ADORA2B: variants seen among roughly 807,000 people sequenced by gnomAD.
ADORA2B encodes the protein adenosine A2b receptor, also known as adenosine receptor A2b.
ADORA2B carries 18 observed loss-of-function variants against 20.8 expected under a neutral mutation model. The ratio of observed to expected loss-of-function variants is 0.87; its 90% CI spans 0.60 to 1.29. ADORA2B has a LOEUF of 1.29. Among genes scored for constraint, ADORA2B ranks in the 50% most tolerant of loss-of-function variants. The pLI, the probability that ADORA2B is intolerant of heterozygous loss-of-function variation, is 0.00. For missense variants in ADORA2B, 441 were observed against 422.7 expected, an observed-to-expected ratio of 1.04 and a Z score of -0.38; for synonymous variants, 179 against 178.3, an observed-to-expected ratio of 1.00 and a Z score of -0.03.
the ADORA2B span, among the ~76,000 whole-genome samples, chr17:15,876,855 A>G: frequency 7.2e-5 from 11 of 152,192 alleles, no homozygotes; most frequent in South Asian, 2.1e-4. Flanking sequence ...TGTGTAACCA[A>G]TCTCCAGAAC....
the ADORA2B span, among the ~76,000 whole-genome samples, chr17:15,853,254 G>A: frequency 2.6e-5 from 4 of 151,746 alleles, no homozygotes; most frequent in Admixed American, 1.3e-4. Flanking sequence ...CTAGAATACC[G>A]TACTTGGTGA....
chr17:15,945,855 G>T (rs1034612039), intron 1 of ADORA2B, among the ~76,000 whole-genome samples: 24 of 152,116 alleles, frequency 1.6e-4, no homozygotes, highest in African/African-American at 5.3e-4. Context: ...CGGCGCCCGG[G>T]GAGGCGCCGT....
the ADORA2B span, among the ~76,000 whole-genome samples, chr17:15,852,122 G>A: frequency 1.3e-5 from 2 of 152,036 alleles, no homozygotes; most frequent in Non-Finnish European, 2.9e-5. Context: ...TTGATATATT[G>A]TGCTTTTTAG....
chr17:15,897,855 A>C, the ADORA2B span, among the ~76,000 whole-genome samples: 2 of 152,220 alleles, frequency 1.3e-5, no homozygotes, highest in South Asian at 4.1e-4. Flanking sequence ...AGAAAGTTCA[A>C]CACCATGAAC....
At chr17:15,873,208 GATTT>G in the ADORA2B span, among the ~76,000 whole-genome samples, 2 of 152,006 alleles carry the variant, frequency 1.3e-5, no homozygotes, top group Admixed American at 1.3e-4. Context: ...CACATTTATT[GATTT>G]ATGTATCTAT....
Position 15,973,677 on chromosome 17 carries a change from C to G in ADORA2B, c.336-1002C>G, listed in dbSNP as rs555500957. Among the ~76,000 whole-genome samples, 20 of 152,332 alleles carry G rather than the reference C, an allele frequency of 1.3e-4. No individual in the cohort carries two copies. The East Asian group carries it at 3.5e-3, about 26-fold the overall frequency. On this transcript the variant is annotated intron_variant, in intron 1 of 1. Coordinates refer to ENST00000304222, the MANE Select transcript of ADORA2B (RefSeq NM_000676.4). ...TATGAGAATCTAATGCATCACCCCC[C>G]GCCCCTGGTCTGTGGAAACATTGTC...
the ADORA2B span, among the ~76,000 whole-genome samples, chr17:15,882,958 C>T: frequency 6.6e-6 from 1 of 152,220 alleles, no homozygotes; most frequent in Non-Finnish European, 1.5e-5. Flanking sequence ...TGTTCCCTCT[C>T]CGTCCCCCAG....
the ADORA2B span, chr17:15,861,013 G>A: frequency 5.3e-5 from 8 of 152,234 alleles, no homozygotes; most frequent in African/African-American, 1.7e-4. Flanking sequence ...CAGGTATCAT[G>A]TCTCAAACAG....
intron 1 of ADORA2B, among the ~76,000 whole-genome samples, chr17:15,949,543 C>T (rs930771642): frequency 6.6e-6 from 1 of 151,952 alleles, no homozygotes; most frequent in East Asian, 1.9e-4. Flanking sequence ...GCTATAATTC[C>T]CGTCCCATAA....
At chr17:15,964,627 A>G (rs1384831731) in intron 1 of ADORA2B, among the ~76,000 whole-genome samples, 5 of 151,458 alleles carry the variant, frequency 3.3e-5, no homozygotes, top group Non-Finnish European at 7.4e-5. Flanking sequence ...AAAAAAAAAA[A>G]AAAAAGAAAA....
the ADORA2B span, among the ~76,000 whole-genome samples, chr17:15,857,436 C>T: frequency 6.6e-6 from 1 of 152,220 alleles, no homozygotes; most frequent in Non-Finnish European, 1.5e-5. Context: ...CACCATCCTC[C>T]AGACCCCAGA....
Position 15,945,533 on chromosome 17 carries a change from C to T in ADORA2B, c.285C>T (p.Ser95=). ...TGCTCACGCAGAGCTCCATCTTCAG[C>T]CTTCTGGCCGTGGCAGTCGACAGAT... The part of the protein sequence containing the change: ...VLVLTQSSIF[S]LLAVAVDRYL... Residue 95 remains serine, a synonymous_variant, in exon 1 of 2, where the codon AGC becomes AGT. Coordinates refer to ENST00000304222, the MANE Select transcript of ADORA2B (RefSeq NM_000676.4). 1 of 1,600,000 alleles carries T rather than the reference C, an allele frequency of 6.3e-7. No individual in the cohort carries two copies.
chr17:15,909,193 C>G, the ADORA2B span, among the ~76,000 whole-genome samples: 1 of 124,152 alleles, frequency 8.1e-6, no homozygotes, highest in Non-Finnish European at 1.6e-5. Context: ...GACTACGTCT[C>G]TAAAAAAAAC....
the ADORA2B span, among the ~76,000 whole-genome samples, chr17:15,880,116 C>T: frequency 6.9e-6 from 1 of 143,938 alleles, no homozygotes. Flanking sequence ...GTCTGAGGCC[C>T]GCCATCGACC....
chr17:15,949,875 G>T (rs1969874379), intron 1 of ADORA2B, among the ~76,000 whole-genome samples: 1 of 152,068 alleles, frequency 6.6e-6, no homozygotes, highest in Non-Finnish European at 1.5e-5. Flanking sequence ...AAATAAAAAA[G>T]CTTGGCAGGA....
In ADORA2B at chr17:15,956,258, A is replaced by G. The variant is rs141840111; in HGVS notation, c.335+10675A>G. ...AGATTCCTCGTGTGGCAGAGTGTAC[A>G]TAACCTAAACTCTTCCCCTCCCCCA... On this transcript the variant is annotated intron_variant, in intron 1 of 1. Coordinates refer to ENST00000304222, the MANE Select transcript of ADORA2B (RefSeq NM_000676.4). 1.3e-3 allele frequency among the ~76,000 whole-genome samples: 200 copies of G among 152,318 alleles called. 1 individual carries two copies. Among genetic ancestry groups the G allele is most frequent in the African/African-American group, 4.6e-3 (190 of 41,572 alleles).
At chr17:15,875,673 C>A in the ADORA2B span, among the ~76,000 whole-genome samples, 3 of 152,320 alleles carry the variant, frequency 2.0e-5, no homozygotes, top group African/African-American at 7.2e-5. Context: ...TCCTCCTACT[C>A]CTGGGTTCAA....
chr17:15,871,061 C>G, the ADORA2B span, among the ~76,000 whole-genome samples: 1 of 152,222 alleles, frequency 6.6e-6, no homozygotes, highest in African/African-American at 2.4e-5. Context: ...GTGGGAGACA[C>G]AGTCCTCTCC....
At position 15,975,445 on chromosome 17, in the gene ADORA2B, G is replaced by C. The variant is rs1970245328; in HGVS notation, c.*103G>C. On this transcript the variant is annotated 3_prime_UTR_variant, in exon 2 of 2. Transcript: ENST00000304222. ...AGATAGCTACACCTCACAAGGAAAT[G>C]GACTGCCTCTCTTGAGCACTTCCCT... 1 of 1,258,882 alleles carries C rather than the reference G, an allele frequency of 7.9e-7. No homozygotes were observed. Among genetic ancestry groups the C allele is most frequent in the East Asian group, 2.3e-5 (1 of 42,850 alleles). The allele number at this position is 1,258,882 out of a possible 1,614,324, so 78.0% of individuals were successfully genotyped here.
Sources: gnomAD v4.1 joint callset for allele counts (sites outside exome capture counted in the v4.1 genomes callset) on GRCh38, gnomAD v4.1.1 for gene constraint, MANE v1.5 for transcripts, NCBI Gene and HGNC (gene_info 2026-07-23, HGNC 2026-07-21) for gene names.